Variants in SCAND3 observed in about 807,000 individuals in gnomAD.
SCAND3 encodes SCAN domain containing 3.
chr6:28,607,219 G>A, the SCAND3 span, among the ~76,000 whole-genome samples: 6 of 152,138 alleles, frequency 3.9e-5, no homozygotes, highest in Non-Finnish European at 5.9e-5. Context: ...TCAATCCCCG[G>A]CACCTCCACC....
chr6:28,589,183 A>G, the SCAND3 span: 1 of 152,240 alleles, frequency 6.6e-6, no homozygotes. Context: ...TCCCAACAAA[A>G]GCGCAGGAAA....
the SCAND3 span, chr6:28,597,726 G>A: frequency 6.6e-6 from 1 of 152,222 alleles, no homozygotes; most frequent in Non-Finnish European, 1.5e-5. Flanking sequence ...TTGCTGACCT[G>A]GCTCCAGCTA....
the SCAND3 span, among the ~76,000 whole-genome samples, chr6:28,598,211 C>T: frequency 6.6e-6 from 1 of 152,072 alleles, no homozygotes; most frequent in African/African-American, 2.4e-5. Context: ...CAACTCCATC[C>T]CATAATTTTT....
the SCAND3 span, among the ~76,000 whole-genome samples, chr6:28,605,108 A>G: frequency 1.1e-4 from 17 of 152,134 alleles, no homozygotes; most frequent in African/African-American, 3.9e-4. Context: ...TTCGATTGGT[A>G]TCTGACTTCA....
At chr6:28,607,320 C>T in the SCAND3 span, among the ~76,000 whole-genome samples, 1 of 152,096 alleles carries the variant, frequency 6.6e-6, no homozygotes, top group Non-Finnish European at 1.5e-5. Flanking sequence ...CTCATTCATT[C>T]AATTTTCTGC....
the SCAND3 span, among the ~76,000 whole-genome samples, chr6:28,613,883 C>T: frequency 4.6e-5 from 7 of 152,278 alleles, no homozygotes; most frequent in Non-Finnish European, 1.5e-5. Context: ...TCTTCCCTCC[C>T]ACTTCCACTA....
At chr6:28,603,884 G>A in the SCAND3 span, among the ~76,000 whole-genome samples, 1 of 152,104 alleles carries the variant, frequency 6.6e-6, no homozygotes, top group African/African-American at 2.4e-5. Context: ...CGCTGCTCCT[G>A]GATGCCCTTA....
the SCAND3 span, among the ~76,000 whole-genome samples, chr6:28,588,667 A>G: frequency 6.6e-6 from 1 of 152,222 alleles, no homozygotes; most frequent in Non-Finnish European, 1.5e-5. This position sits in a 1 kb window ranked among gnomAD's most constrained non-coding sequence, Gnocchi z 4.1. Flanking sequence ...AACTCATTAT[A>G]ATTTGCAAAA....
At chr6:28,586,526 A>G in the SCAND3 span, 1 of 1,614,268 alleles carries the variant, frequency 6.2e-7, no homozygotes, top group Non-Finnish European at 8.5e-7. This position sits in a 1 kb window ranked among gnomAD's most constrained non-coding sequence, Gnocchi z 4.4. Context: ...CCCTGGGCCC[A>G]GGTGTCTCCT....
the SCAND3 span, chr6:28,589,852 G>GTT: frequency 5.1e-5 from 6 of 117,678 alleles, no homozygotes; most frequent in Non-Finnish European, 5.2e-5. Context: ...TTGTTTTTTT[G>GTT]TTTGTTTTTT....
chr6:28,604,341 G>T, the SCAND3 span, among the ~76,000 whole-genome samples: 1 of 151,804 alleles, frequency 6.6e-6, no homozygotes, highest in Admixed American at 6.6e-5. Flanking sequence ...TTTTGGCCAG[G>T]CACTGTGGCT....
the SCAND3 span, chr6:28,579,238 C>T: frequency 8.8e-6 from 14 of 1,595,286 alleles, no homozygotes; most frequent in African/African-American, 1.9e-4. This position sits in a 1 kb window ranked among gnomAD's most constrained non-coding sequence, Gnocchi z 4.5. Context: ...TCTCCCAAGT[C>T]TCACCTTCTT....
the SCAND3 span, chr6:28,575,703 G>T: frequency 6.2e-7 from 1 of 1,614,036 alleles, no homozygotes; most frequent in Non-Finnish European, 8.5e-7. This position sits in a 1 kb window ranked among gnomAD's most constrained non-coding sequence, Gnocchi z 4.2. Flanking sequence ...TGATGTTCTT[G>T]TATTTCGCTT....
the SCAND3 span, among the ~76,000 whole-genome samples, chr6:28,599,934 TAA>T: frequency 1.4e-5 from 2 of 144,982 alleles, no homozygotes; most frequent in African/African-American, 2.5e-5. Context: ...ATCCATATGT[TAA>T]AAAAAAAAAG....
At chr6:28,589,295 A>G in the SCAND3 span, 1 of 152,192 alleles carries the variant, frequency 6.6e-6, no homozygotes, top group Non-Finnish European at 1.5e-5. Context: ...AGCCTGACCT[A>G]ACTCTTTCGG....
At chr6:28,586,793 T>C in the SCAND3 span, 2 of 1,324,762 alleles carry the variant, frequency 1.5e-6, no homozygotes, top group Non-Finnish European at 2.1e-6. The surrounding 1 kb of genome is among the most constrained non-coding windows in gnomAD (Gnocchi z 4.4). Context: ...CTTGAGCTCC[T>C]TTTTTGTTCT....
chr6:28,576,091 T>C, the SCAND3 span: 2 of 1,608,428 alleles, frequency 1.2e-6, no homozygotes, highest in Non-Finnish European at 1.7e-6. Context: ...ACTGAGGTTA[T>C]CACCACCCAT....
the SCAND3 span, among the ~76,000 whole-genome samples, chr6:28,607,141 A>C: frequency 1.3e-5 from 2 of 152,334 alleles, no homozygotes; most frequent in Admixed American, 6.5e-5. Context: ...AATGCAAAGC[A>C]ACCTGTCTGT....
the SCAND3 span, chr6:28,571,352 A>C: frequency 1.3e-5 from 2 of 152,428 alleles, no homozygotes; most frequent in African/African-American, 4.8e-5. Context: ...ATATGAATCC[A>C]AGGCCATAAC....
Sources: allele counts gnomAD v4.1 joint callset (sites outside exome capture counted in the v4.1 genomes callset), GRCh38; gene constraint gnomAD v4.1.1; non-coding constraint Gnocchi (gnomAD v3.1); transcripts MANE v1.5; gene names NCBI Gene and HGNC (gene_info 2026-07-23, HGNC 2026-07-21).